PCDHA1: variants seen among roughly 807,000 people sequenced by gnomAD.
PCDHA1 encodes protocadherin alpha-1.
PCDHA1 carries 42 observed loss-of-function variants against 61.3 expected under a neutral mutation model. The observed-to-expected ratio is 0.69, with a 90% CI of 0.54 to 0.89. The LOEUF (loss-of-function observed/expected upper bound fraction) is 0.89. Among genes scored for constraint, PCDHA1 ranks in the 40% least tolerant of loss-of-function variants. The probability of loss-of-function intolerance (pLI) is 0.00; values close to 1 mark genes in which losing one functional copy is unlikely to be tolerated. For missense variants in PCDHA1, 1,256 were observed against 1,235.3 expected (o/e 1.02, Z -0.25); for synonymous variants, 610 against 553.8 (o/e 1.10, Z -1.43).
intron 1 of PCDHA1, chr5:140,830,157 CA>C (rs2150182159): frequency 1.2e-6 from 2 of 1,613,406 alleles, no homozygotes; most frequent in South Asian, 2.2e-5. Context: ...GCCGCGGGCC[CA>C]GAGGCGGCGC....
intron 1 of PCDHA1, chr5:140,824,264 C>A: frequency 2.3e-6 from 3 of 1,285,746 alleles, no homozygotes; most frequent in Non-Finnish European, 3.3e-6. Context: ...TGCACTAATT[C>A]ATGTATTATA....
At chr5:140,872,432 G>T (rs2053660736) in intron 1 of PCDHA1, among the ~76,000 whole-genome samples, 1 of 152,026 alleles carries the variant, frequency 6.6e-6, no homozygotes, top group Non-Finnish European at 1.5e-5. Context: ...TTCGAGGCCT[G>T]CCTGGACAAC....
chr5:140,797,147 C>T (rs1562165837), intron 1 of PCDHA1: 3 of 1,613,838 alleles, frequency 1.9e-6, no homozygotes, highest in African/African-American at 1.3e-5. Flanking sequence ...GTGCCACCCA[C>T]CGAGGGTGCG....
chr5:140,867,480 G>T (rs1447452971), intron 1 of PCDHA1: 1 of 152,028 alleles, frequency 6.6e-6, no homozygotes, highest in African/African-American at 2.4e-5. Context: ...TGGGAAAAGA[G>T]TAAATATGAA....
chr5:140,787,968 G>A lies in PCDHA1; in HGVS notation c.1678G>A (p.Asp560Asn). 6.2e-7 allele frequency: 1 copy of A among 1,613,964 alleles called. No homozygotes were observed. The highest frequency in any genetic ancestry group is 8.5e-7 in the Non-Finnish European group (1 of 1,179,902). ...TLQVFVLDEN[D>N]NAPALLAPRV... The stretch of plus-strand genomic sequence containing the variant: ...GCAGGTGTTCGTGCTGGACGAGAAC[G>A]ACAACGCGCCGGCGCTGCTGGCGCC... Residue 560 changes from aspartate (D) to asparagine (N), a missense_variant, in exon 1 of 4, where the codon GAC (aspartate) becomes AAC (asparagine). Asp to Asn is a conservative substitution (Grantham distance 23). Coordinates refer to ENST00000504120, the MANE Select transcript of PCDHA1 (RefSeq NM_018900.4).
At chr5:140,831,520 CTT>C (rs2150195630) in intron 1 of PCDHA1, among the ~76,000 whole-genome samples, 29 of 122,402 alleles carry the variant, frequency 2.4e-4, no homozygotes, top group South Asian at 8.4e-4. Flanking sequence ...TGCCCCCCAC[CTT>C]TTTTTTTTTT....
intron 1 of PCDHA1, among the ~76,000 whole-genome samples, chr5:140,964,144 C>A (rs970079716): frequency 6.6e-6 from 1 of 152,138 alleles, no homozygotes; most frequent in African/African-American, 2.4e-5. Context: ...TTGGCAGGAG[C>A]CTCAGTATAA....
intron 1 of PCDHA1, among the ~76,000 whole-genome samples, chr5:140,895,558 A>G (rs1449174455): frequency 6.6e-6 from 1 of 152,154 alleles, no homozygotes; most frequent in Non-Finnish European, 1.5e-5. Context: ...AGTTCTTTAT[A>G]TATTCTAGAT....
intron 1 of PCDHA1, chr5:140,828,778 G>C (rs2150158815): frequency 1.2e-6 from 2 of 1,614,140 alleles, no homozygotes; most frequent in Non-Finnish European, 1.7e-6. Context: ...TTCAGCTGCT[G>C]GTCACAGTGC....
chr5:140,965,216 A>G (rs2095880887), intron 1 of PCDHA1, among the ~76,000 whole-genome samples: 1 of 152,224 alleles, frequency 6.6e-6, no homozygotes, highest in Non-Finnish European at 1.5e-5. Context: ...TTCCTGTGGA[A>G]GAAATGTGAG....
At chr5:140,821,861 A>G (rs2150111284) in intron 1 of PCDHA1, 2 of 1,614,204 alleles carry the variant, frequency 1.2e-6, no homozygotes, top group South Asian at 2.2e-5. Context: ...GGGAGCGGCC[A>G]GCTCCACTAC....
At chr5:140,807,976 A>C in intron 1 of PCDHA1, 1 of 1,613,844 alleles carries the variant, frequency 6.2e-7, no homozygotes, top group Non-Finnish European at 8.5e-7. Context: ...TGGTAATTAA[A>C]CTTAACGCCT....
chr5:140,844,775 A>G (rs959672555), intron 1 of PCDHA1, among the ~76,000 whole-genome samples: 1 of 149,266 alleles, frequency 6.7e-6, no homozygotes, highest in Non-Finnish European at 1.5e-5. Flanking sequence ...AAGATACTTT[A>G]TTTTGGTATC....
At chr5:140,866,296 A>T (rs2049269688) in intron 1 of PCDHA1, 4 of 152,164 alleles carry the variant, frequency 2.6e-5, no homozygotes, top group Admixed American at 2.6e-4. Flanking sequence ...ACAAGTATAG[A>T]TGTTGATATT....
chr5:140,924,900 AAAAAAT>A (rs2082118159), intron 1 of PCDHA1, among the ~76,000 whole-genome samples: 2 of 63,328 alleles, frequency 3.2e-5, no homozygotes, highest in African/African-American at 5.4e-5. Flanking sequence ...GTCTCAAAAA[AAAAAAT>A]AAAATAAAAT....
intron 1 of PCDHA1, chr5:140,851,223 A>C: frequency 8.7e-7 from 1 of 1,147,456 alleles, no homozygotes; most frequent in Admixed American, 4.0e-5. Flanking sequence ...TAACATCACT[A>C]TCATTTATTT....
intron 1 of PCDHA1, among the ~76,000 whole-genome samples, chr5:140,921,661 A>C (rs1554200347): frequency 1.3e-5 from 2 of 152,226 alleles, no homozygotes; most frequent in African/African-American, 4.8e-5. Context: ...CTTAATAAAA[A>C]TTTAACAGTT....
intron 1 of PCDHA1, chr5:140,871,260 G>T (rs761268820): frequency 1.4e-5 from 22 of 1,613,980 alleles, no homozygotes; most frequent in Admixed American, 8.3e-5. Context: ...TGTATACGGC[G>T]CTGTGGTGGT....
chr5:140,997,577 T>G (rs2097775398), intron 3 of PCDHA1, among the ~76,000 whole-genome samples: 1 of 152,186 alleles, frequency 6.6e-6, no homozygotes, highest in Admixed American at 6.5e-5. Flanking sequence ...GTGTGGTCCG[T>G]TGTTGACTGA....
Sources: allele counts gnomAD v4.1 joint callset (sites outside exome capture counted in the v4.1 genomes callset), GRCh38; gene constraint gnomAD v4.1.1; transcripts MANE v1.5; gene names NCBI Gene and HGNC (gene_info 2026-07-23, HGNC 2026-07-21).